Variants in SV2C observed in about 807,000 individuals in gnomAD.
The protein encoded by SV2C is synaptic vesicle glycoprotein 2C.
A neutral mutation model predicts 79.7 loss-of-function variants in SV2C; 49 were observed. The observed-to-expected ratio is 0.61, with a 90% CI of 0.49 to 0.78. SV2C has a LOEUF of 0.78. SV2C is among the 30% of genes least tolerant of loss of function. The probability of loss-of-function intolerance (pLI) is 0.00; values close to 1 mark genes in which losing one functional copy is unlikely to be tolerated. For missense variants in SV2C, 833 were observed against 912.9 expected, an observed-to-expected ratio of 0.91 and a Z score of 1.13; for synonymous variants, 334 against 333.2, an observed-to-expected ratio of 1.00 and a Z score of -0.03.
the SV2C span, among the ~76,000 whole-genome samples, chr5:76,066,620 G>GA: frequency 2.0e-5 from 3 of 149,198 alleles, no homozygotes; most frequent in South Asian, 2.1e-4. Flanking sequence ...AGAAGAAGAA[G>GA]AAAAAAAAAG....
chr5:76,344,733 TA>T (rs1367993377), intron 12 of SV2C, among the ~76,000 whole-genome samples: 5 of 152,136 alleles, frequency 3.3e-5, no homozygotes, highest in Non-Finnish European at 5.9e-5. Context: ...AAATAATTTT[TA>T]AAAAATTATT....
At chr5:76,011,067 T>C in the SV2C span, among the ~76,000 whole-genome samples, 3 of 151,990 alleles carry the variant, frequency 2.0e-5, no homozygotes, top group Non-Finnish European at 2.9e-5. Context: ...CTGGTGAGAG[T>C]GGACAGCGCA....
At position 76,275,360 on chromosome 5, in the gene SV2C, G is replaced by A. The variant is rs527910933; in HGVS notation, c.914-9802G>A. On this transcript the variant is annotated intron_variant, in intron 4 of 12. Coordinates refer to ENST00000502798, the MANE Select transcript of SV2C (RefSeq NM_014979.4). ...AAATTAGCTGGGCATGGTGGCGGGC[G>A]CCTGTAGTCCCAACTACTCGGGAGG... Among the ~76,000 whole-genome samples, 46 of 152,114 alleles carry A rather than the reference G, an allele frequency of 3.0e-4. No homozygotes were observed. The East Asian group carries it at 4.8e-3, about 16-fold the overall frequency.
the SV2C span, among the ~76,000 whole-genome samples, chr5:75,960,121 A>AGGTCAATG: frequency 6.6e-6 from 1 of 151,998 alleles, no homozygotes; most frequent in Non-Finnish European, 1.5e-5. Flanking sequence ...ATGACCTTGA[A>AGGTCAATG]GGTCAATGGA....
the SV2C span, among the ~76,000 whole-genome samples, chr5:76,005,442 A>C: frequency 6.6e-6 from 1 of 151,998 alleles, no homozygotes; most frequent in Non-Finnish European, 1.5e-5. Context: ...TGCTCTATAT[A>C]CCCTTCATGG....
At chr5:75,920,764 G>T in the SV2C span, 1 of 779,626 alleles carries the variant, frequency 1.3e-6, no homozygotes, top group Non-Finnish European at 2.4e-6. Flanking sequence ...ATGGTCTCTT[G>T]GGTCCCGTTG....
the SV2C span, among the ~76,000 whole-genome samples, chr5:75,969,004 G>C: frequency 2.3e-3 from 353 of 152,330 alleles, 2 homozygotes; most frequent in African/African-American, 7.5e-3. Context: ...AGCCAGAAGA[G>C]AGTGGGGGCC....
At chr5:76,046,752 T>G in the SV2C span, among the ~76,000 whole-genome samples, 1 of 152,216 alleles carries the variant, frequency 6.6e-6, no homozygotes, top group Non-Finnish European at 1.5e-5. Flanking sequence ...AGGAGGTGGC[T>G]GAGGCTCAAG....
At chr5:76,198,418 T>G (rs1744337022) in intron 3 of SV2C, among the ~76,000 whole-genome samples, 1 of 152,156 alleles carries the variant, frequency 6.6e-6, no homozygotes, top group Admixed American at 6.5e-5. Flanking sequence ...GTGTGTTCTC[T>G]GCACATGCCA....
At chr5:76,072,219 T>C in the SV2C span, among the ~76,000 whole-genome samples, 1 of 152,230 alleles carries the variant, frequency 6.6e-6, no homozygotes, top group African/African-American at 2.4e-5. Flanking sequence ...GAAAAACTCT[T>C]GATAATCCTT....
the SV2C span, among the ~76,000 whole-genome samples, chr5:75,989,690 G>A: frequency 6.6e-6 from 1 of 151,608 alleles, no homozygotes; most frequent in Non-Finnish European, 1.5e-5. Flanking sequence ...CTGCCTCTAG[G>A]TCTTTGAGAA....
At chr5:76,220,393 C>T (rs1203659695) in intron 4 of SV2C, among the ~76,000 whole-genome samples, 7 of 151,998 alleles carry the variant, frequency 4.6e-5, no homozygotes, top group Non-Finnish European at 8.8e-5. Flanking sequence ...AATTGACAGC[C>T]GGGTGCAGTG....
chr5:75,933,538 G>A, the SV2C span, among the ~76,000 whole-genome samples: 30 of 152,150 alleles, frequency 2.0e-4, 1 homozygote, highest in Admixed American at 1.8e-3. Flanking sequence ...CTTTGAAGTC[G>A]CTATTCAAGG....
At chr5:75,956,564 G>T in the SV2C span, among the ~76,000 whole-genome samples, 1 of 151,742 alleles carries the variant, frequency 6.6e-6, no homozygotes, top group Admixed American at 6.6e-5. Flanking sequence ...ATAATAAAAA[G>T]AGCCTATCAT....
chr5:75,984,602 T>TCTATCTAC, the SV2C span, among the ~76,000 whole-genome samples: 31 of 141,324 alleles, frequency 2.2e-4, no homozygotes, highest in African/African-American at 5.6e-4. Context: ...TATCTACCTA[T>TCTATCTAC]CTATCTATCT....
At chr5:75,965,391 G>A in the SV2C span, among the ~76,000 whole-genome samples, 1 of 152,176 alleles carries the variant, frequency 6.6e-6, no homozygotes, top group African/African-American at 2.4e-5. Flanking sequence ...CCTCTTGGAG[G>A]TGATTAGGTC....
At chr5:76,297,469 C>T (rs1340728305) in intron 9 of SV2C, among the ~76,000 whole-genome samples, 1 of 152,168 alleles carries the variant, frequency 6.6e-6, no homozygotes, top group Non-Finnish European at 1.5e-5. Flanking sequence ...TCGAATTGTG[C>T]ACCATGTGTA....
intron 2 of SV2C, among the ~76,000 whole-genome samples, chr5:76,147,998 A>G (rs918952124): frequency 6.6e-6 from 1 of 152,086 alleles, no homozygotes; most frequent in African/African-American, 2.4e-5. Context: ...CCCCTAATTC[A>G]TTCTTTGATG....
intron 2 of SV2C, among the ~76,000 whole-genome samples, chr5:76,192,588 T>C (rs1237087055): frequency 6.6e-6 from 1 of 152,184 alleles, no homozygotes; most frequent in East Asian, 1.9e-4. Flanking sequence ...GAAATACAGT[T>C]TGTGTCTGAC....
Sources: gnomAD v4.1 joint callset for allele counts (sites outside exome capture counted in the v4.1 genomes callset) on GRCh38, gnomAD v4.1.1 for gene constraint, MANE v1.5 for transcripts, NCBI Gene and HGNC (gene_info 2026-07-23, HGNC 2026-07-21) for gene names.